The following CPEB2 variants were observed in gnomAD, a reference collection of about 807,000 sequenced individuals.
The protein encoded by CPEB2 is cytoplasmic polyadenylation element-binding protein 2.
CPEB2 carries 56 observed loss-of-function variants against 93.6 expected under a neutral mutation model. The ratio of observed to expected loss-of-function variants is 0.60; its 90% confidence interval spans 0.48 to 0.75. The LOEUF is 0.75. Among genes scored for constraint, CPEB2 ranks in the 30% least tolerant of loss-of-function variants. CPEB2 has a pLI of 0.00. For synonymous variants in CPEB2, 764 were observed against 586.3 expected (o/e 1.30, Z -4.38); for missense variants, 1,579 against 1,395.1 (o/e 1.13, Z -2.10).
At chr4:15,064,376 T>C (rs1338977314) in intron 11 of CPEB2, among the ~76,000 whole-genome samples, 2 of 152,046 alleles carry the variant, frequency 1.3e-5, no homozygotes, top group Non-Finnish European at 2.9e-5. Flanking sequence ...TAAAGTCTGG[T>C]TTTGAGTAAA....
chr4:15,029,436 AT>A (rs1197996885), intron 4 of CPEB2, among the ~76,000 whole-genome samples: 13 of 152,026 alleles, frequency 8.6e-5, no homozygotes, highest in African/African-American at 2.9e-4. Context: ...AAATACATAT[AT>A]TTTTTAAATT....
chr4:15,057,371 A>G (rs1728812555), intron 8 of CPEB2, among the ~76,000 whole-genome samples: 1 of 152,186 alleles, frequency 6.6e-6, no homozygotes, highest in Admixed American at 6.5e-5. Flanking sequence ...CTTTTGTGGC[A>G]TAAAGCTATG....
At chr4:15,036,715 GGGGGA>G (rs1311224422) in intron 5 of CPEB2, among the ~76,000 whole-genome samples, 5 of 152,280 alleles carry the variant, frequency 3.3e-5, no homozygotes, top group African/African-American at 1.2e-4. Flanking sequence ...GTGGCCAGGA[GGGGGA>G]GTGGGAATGG....
intron 11 of CPEB2, 147 bp from the exon 12 acceptor site, chr4:15,066,006 C>A: frequency 1.5e-6 from 1 of 665,658 alleles, no homozygotes; most frequent in Non-Finnish European, 2.6e-6. Flanking sequence ...TAACCTACTA[C>A]ATTGTAAAGC....
chr4:15,051,215 T>C (rs1728191048), intron 6 of CPEB2, among the ~76,000 whole-genome samples: 1 of 152,184 alleles, frequency 6.6e-6, no homozygotes, highest in Admixed American at 6.5e-5. Context: ...TGACTAAGTC[T>C]CCCTAATGCA....
At chr4:15,036,244 C>T (rs893998763) in intron 5 of CPEB2, among the ~76,000 whole-genome samples, 2 of 151,996 alleles carry the variant, frequency 1.3e-5, no homozygotes, top group African/African-American at 4.8e-5. Context: ...TTAATTTAAA[C>T]AATAAAAAAA....
At chr4:15,059,329 A>T in intron 10 of CPEB2, 28 bp downstream of exon 10, 1 of 1,410,622 alleles carries the variant, frequency 7.1e-7, no homozygotes, top group South Asian at 1.2e-5. Context: ...AATTTTGTTT[A>T]AAAAAATCAT....
chr4:15,008,120 C>A (rs531747673), intron 2 of CPEB2, among the ~76,000 whole-genome samples: 1 of 151,612 alleles, frequency 6.6e-6, no homozygotes, highest in Admixed American at 6.6e-5. Flanking sequence ...GTTGATTAGA[C>A]TTTTTTTTTC....
intron 3 of CPEB2, among the ~76,000 whole-genome samples, chr4:15,013,011 ATAT>A (rs560512018): frequency 9.2e-5 from 14 of 152,126 alleles, no homozygotes; most frequent in Non-Finnish European, 1.5e-4. Flanking sequence ...ACTGCTTCTA[ATAT>A]TGTACACTGA....
At position 15,003,191 on chromosome 4, in the gene CPEB2, A is replaced by C; in HGVS notation, c.518A>C (p.Gln173Pro). The change falls in exon 1 of 12, where the codon CAG (glutamine) becomes CCG (proline). Residue 173 changes from glutamine to proline, a missense_variant. Transcript: ENST00000538197. The stretch of plus-strand genomic sequence containing the variant: ...GACTTCAGTAAGCGGCAGCAGCAGC[A>C]GCTGAGCAGCCAGAAGAGGAAAGAG... ...PQDFSKRQQQ[Q>P]LSSQKRKEFS... 2.0e-6 allele frequency: 3 copies of C among 1,533,980 alleles called. No individual in the cohort carries two copies. Among genetic ancestry groups the C allele is most frequent in the East Asian group, 2.5e-5 (1 of 40,618 alleles).
chr4:15,049,361 A>T (rs1021195546), intron 6 of CPEB2, among the ~76,000 whole-genome samples: 1 of 152,054 alleles, frequency 6.6e-6, no homozygotes, highest in African/African-American at 2.4e-5. Flanking sequence ...GACACTGCTA[A>T]GTTTTTATTT....
intron 3 of CPEB2, among the ~76,000 whole-genome samples, chr4:15,010,302 C>G (rs1339477183): frequency 6.6e-6 from 1 of 152,158 alleles, no homozygotes; most frequent in East Asian, 1.9e-4. Flanking sequence ...TTTCTCTGAT[C>G]TGTTTTGGCC....
chr4:15,040,169 C>T (rs1343603555), intron 5 of CPEB2, among the ~76,000 whole-genome samples: 19 of 152,220 alleles, frequency 1.2e-4, no homozygotes, highest in Non-Finnish European at 4.4e-5. Context: ...ATATTTCTGT[C>T]TTCATTAGCT....
At position 15,033,173 on chromosome 4, in the gene CPEB2, A is replaced by G; in HGVS notation, c.2138A>G (p.Tyr713Cys). 6.2e-7 allele frequency: 1 copy of G among 1,605,282 alleles called. No individual in the cohort carries two copies. Among genetic ancestry groups the G allele is most frequent in the South Asian group, 1.1e-5 (1 of 90,684 alleles). Reference protein sequence around the residue: ...EHDPLKGRLSYPHPGTDNLLM... With the variant: ...EHDPLKGRLSCPHPGTDNLLM... ...TGTCTTTTTAAAGGTCGATTGAGCTATCCACATCCAGGAACTGACAATCTG... is the reference window on the plus strand; with the variant it reads ...TGTCTTTTTAAAGGTCGATTGAGCTGTCCACATCCAGGAACTGACAATCTG... The change falls in exon 5 of 12, where the codon TAT becomes TGT. Residue 713 changes from tyrosine (Y) to cysteine (C), a missense_variant. Around this residue, in one of 2 missense-constraint regions of CPEB2, gnomAD observed 1,411 missense variants for 1,056.0 expected, o/e 1.34. Transcript: ENST00000538197.
intron 2 of CPEB2, among the ~76,000 whole-genome samples, chr4:15,007,983 G>GTA (rs939077129): frequency 3.9e-5 from 6 of 152,042 alleles, no homozygotes; most frequent in African/African-American, 7.2e-5. Context: ...ATAATTGGCT[G>GTA]TATATATATT....
chr4:15,050,869 A>G (rs951735200), intron 6 of CPEB2, among the ~76,000 whole-genome samples: 3 of 152,186 alleles, frequency 2.0e-5, no homozygotes, highest in African/African-American at 4.8e-5. Context: ...ACTATAACCC[A>G]TGGAGTTGAC....
chr4:15,025,839 G>C (rs183975902), intron 4 of CPEB2, among the ~76,000 whole-genome samples: 96 of 152,112 alleles, frequency 6.3e-4, no homozygotes, highest in African/African-American at 2.3e-3. Flanking sequence ...GTGATTTCTG[G>C]TCTACAAAGT....
At chr4:15,020,416 T>G (rs962692283) in intron 4 of CPEB2, among the ~76,000 whole-genome samples, 2 of 152,106 alleles carry the variant, frequency 1.3e-5, no homozygotes, top group Non-Finnish European at 1.5e-5. Flanking sequence ...GTCAAGCAGA[T>G]AGATCTCTAG....
At chr4:15,037,629 G>A (rs1319909355) in intron 5 of CPEB2, among the ~76,000 whole-genome samples, 5 of 152,074 alleles carry the variant, frequency 3.3e-5, no homozygotes, top group Non-Finnish European at 5.9e-5. Flanking sequence ...TTGTAAAGTC[G>A]CTTGTCTTCA....
Sources: allele counts gnomAD v4.1 joint callset (sites outside exome capture counted in the v4.1 genomes callset), GRCh38; gene constraint gnomAD v4.1.1; regional missense constraint gnomAD v4.1.1; transcripts MANE v1.5; gene names NCBI Gene and HGNC (gene_info 2026-07-23, HGNC 2026-07-21).